Variants in ZNF81 observed in about 807,000 individuals in gnomAD.
ZNF81 encodes zinc finger protein 81.
ZNF81 carries 5 observed loss-of-function variants against 32.3 expected under a neutral mutation model. The ratio of observed to expected loss-of-function variants is 0.15; its 90% CI spans 0.08 to 0.33. The LOEUF (loss-of-function observed/expected upper bound fraction) is 0.33, where lower values mean the gene tolerates loss of function less well. Among genes scored for constraint, ZNF81 ranks in the 10% least tolerant of loss-of-function variants. The pLI, the probability that ZNF81 is intolerant of heterozygous loss-of-function variation, is 1.00. For synonymous variants in ZNF81, 163 were observed against 166.8 expected, an observed-to-expected ratio of 0.98 and a Z score of 0.17; for missense variants, 379 against 479.8, an observed-to-expected ratio of 0.79 and a Z score of 1.96.
intron 4 of ZNF81, among the ~76,000 whole-genome samples, chrX:47,912,467 C>T (rs1412083692): frequency 2.0e-5 from 2 of 102,376 alleles, no homozygotes; most frequent in Admixed American, 2.2e-4. Flanking sequence ...GTCTCATGCA[C>T]TGTACTAGGA....
rs782630321 is a variant in ZNF81, at chrX:47,915,409, C to T, written c.763C>T (p.Leu255Phe). 1.7e-6 allele frequency: 2 copies of T among 1,211,440 alleles called. No individual in the cohort carries two copies. Among genetic ancestry groups the T allele is most frequent in the Non-Finnish European group, 2.2e-6 (2 of 895,419 alleles). ...TGAACGTAATCAATGTGGAAAAGTCCTCAGCCTCAAACACTCACTCAGTCA... is the reference window on the plus strand; with the variant it reads ...TGAACGTAATCAATGTGGAAAAGTCTTCAGCCTCAAACACTCACTCAGTCA... ...FCERNQCGKV[L>F]SLKHSLSQNV... The change falls in exon 5 of 5, where the codon CTC becomes TTC. Residue 255 changes from leucine to phenylalanine, a missense_variant. By Grantham distance (22) the Leu-to-Phe change is conservative. Around this residue, in one of 2 missense-constraint regions of ZNF81, gnomAD observed 277 missense variants for 306.6 expected, o/e 0.90. Transcript: ENST00000338637.
chrX:47,839,400 TTC>T (rs1210291838), intron 1 of ZNF81, among the ~76,000 whole-genome samples: 1 of 111,580 alleles, frequency 9.0e-6, no homozygotes, highest in Non-Finnish European at 1.9e-5. Flanking sequence ...ATCCAAAACT[TTC>T]TGAGTGCCAA....
chrX:47,866,303 C>T (rs782795604), intron 2 of ZNF81, among the ~76,000 whole-genome samples: 4 of 111,609 alleles, frequency 3.6e-5, no homozygotes, highest in Non-Finnish European at 7.5e-5. Context: ...AAATAAAATT[C>T]CTGGCAACCC....
intron 2 of ZNF81, among the ~76,000 whole-genome samples, chrX:47,855,094 A>G (rs2058510966): frequency 1.8e-5 from 2 of 110,261 alleles, no homozygotes; most frequent in East Asian, 5.6e-4. Context: ...ACTCTGTCTC[A>G]AACTAAAAAA....
rs2058460558 is a variant in ZNF81 at position 47,843,804 on chromosome X, C to A, written c.-163-2301C>A. 5.3e-5 allele frequency among the ~76,000 whole-genome samples: 6 copies of A among 112,467 alleles called. No individual in the cohort carries two copies. The South Asian group carries it at 2.2e-3, about 41-fold the overall frequency. Reference sequence around the variant, plus strand: ...CCTCCCAAAGTGCTGAGATTATAGGCATGAGCCACTGCGCCTGGCTACATT... The same window carrying A: ...CCTCCCAAAGTGCTGAGATTATAGGAATGAGCCACTGCGCCTGGCTACATT... On this transcript the variant is annotated intron_variant, in intron 1 of 4. Coordinates refer to ENST00000338637, the MANE Select transcript of ZNF81 (RefSeq NM_007137.5).
At chrX:47,838,479 C>G (rs372323020) in intron 1 of ZNF81, among the ~76,000 whole-genome samples, 73 of 110,851 alleles carry the variant, frequency 6.6e-4, no homozygotes, top group African/African-American at 2.2e-3. Context: ...TGAGGAAGTT[C>G]CCCTCTATTT....
At chrX:47,857,118 T>C (rs1278991215) in intron 2 of ZNF81, among the ~76,000 whole-genome samples, 1 of 111,748 alleles carries the variant, frequency 8.9e-6, no homozygotes, top group Non-Finnish European at 1.9e-5. Flanking sequence ...TTCTTCAAAC[T>C]GTGAAATACC....
At chrX:47,860,513 C>T (rs1556882433) in intron 2 of ZNF81, among the ~76,000 whole-genome samples, 1 of 109,899 alleles carries the variant, frequency 9.1e-6, no homozygotes, top group Admixed American at 9.8e-5. Flanking sequence ...TTCAGCCTCA[C>T]CCTCATCCTC....
chrX:47,889,325 A>G (rs973691599), intron 3 of ZNF81, among the ~76,000 whole-genome samples: 2 of 112,552 alleles, frequency 1.8e-5, no homozygotes, highest in Admixed American at 9.4e-5. Context: ...CTGGGATTCT[A>G]TAAGCAGGAA....
At position 47,916,719 on chromosome X, in the gene ZNF81, G is replaced by C; in HGVS notation, c.*87G>C. 1.0e-6 allele frequency: 1 copy of C among 958,549 alleles called. No homozygotes were observed. The highest frequency in any genetic ancestry group is 2.7e-5 in the South Asian group (1 of 36,880). 79.0% of individuals were successfully genotyped at this position (958,549 alleles called of 1,213,427 possible). A position where few individuals can be genotyped will look rare whatever the true frequency, so the allele number is the denominator to read the frequency against. ...TATATTATAAAATTCATCCAAGACA[G>C]ATCCTATATGAATACATTGTATAAG... On this transcript the variant is annotated 3_prime_UTR_variant, in exon 5 of 5. Coordinates refer to ENST00000338637, the MANE Select transcript of ZNF81 (RefSeq NM_007137.5).
chrX:47,876,004 G>A lies in ZNF81; in HGVS notation c.55-11995G>A, dbSNP rs782378159. ...GTAATTGGAGTGGCCACATATGCTA[G>A]TTAATTGCCTTTATACAAAGGCAAA... On this transcript the variant is annotated intron_variant, in intron 2 of 4. Transcript: ENST00000338637. Among the ~76,000 whole-genome samples the A allele has an allele frequency of 1.5e-4, 17 of 111,853 alleles. No individual in the cohort carries two copies. The East Asian group carries it at 4.2e-3, about 28-fold the overall frequency.
In ZNF81 at chrX:47,916,867, G is replaced by A. The variant is rs993371457; in HGVS notation, c.*235G>A. ...TGAAATATAGTAAAAGTCATACTGG[G>A]AAAAATGTTGTCAGTTTGGTGTGTT... On this transcript the variant is annotated 3_prime_UTR_variant, in exon 5 of 5. Coordinates refer to ENST00000338637, the MANE Select transcript of ZNF81 (RefSeq NM_007137.5). 25 of 328,842 alleles carry A rather than the reference G, an allele frequency of 7.6e-5. No individual in the cohort carries two copies. Among genetic ancestry groups the A allele is most frequent in the African/African-American group, 6.2e-4 (23 of 37,174 alleles). The allele number at this position is 328,842 out of a possible 1,213,427, so 27.1% of individuals were successfully genotyped here. A position where few individuals can be genotyped will look rare whatever the true frequency, so the allele number is the denominator to read the frequency against.
intron 4 of ZNF81, among the ~76,000 whole-genome samples, chrX:47,910,157 A>T (rs1309128258): frequency 3.6e-5 from 4 of 111,601 alleles, no homozygotes; most frequent in Non-Finnish European, 7.5e-5. Flanking sequence ...TGGTATTTCT[A>T]GTTCTAGATC....
chrX:47,908,591 C>T (rs1275170389), intron 4 of ZNF81, among the ~76,000 whole-genome samples: 1 of 111,995 alleles, frequency 8.9e-6, no homozygotes, highest in Non-Finnish European at 1.9e-5. Flanking sequence ...CAAGAATGCT[C>T]ATACCAGCTT....
intron 1 of ZNF81, chrX:47,841,777 C>T (rs1366285311): frequency 2.5e-6 from 1 of 397,281 alleles, no homozygotes; most frequent in Non-Finnish European, 4.3e-6. Context: ...TTTCAAAAGA[C>T]CAGCTATTGG....
At chrX:47,914,031 T>G (rs1489819458) in intron 4 of ZNF81, among the ~76,000 whole-genome samples, 1 of 111,364 alleles carries the variant, frequency 9.0e-6, no homozygotes, top group Admixed American at 9.5e-5. Flanking sequence ...TCAATATAAG[T>G]ATCATCTATT....
In ZNF81 at chrX:47,919,116, T is replaced by C. The variant is rs1303796529; in HGVS notation, c.*2484T>C. ...GATGCCACAATTTTGGATGAGAAAT[T>C]TGGAGGTCCTGGAATAGGGGTGAAC... On this transcript the variant is annotated 3_prime_UTR_variant, in exon 5 of 5. Transcript: ENST00000338637. 3.1e-6 allele frequency: 1 copy of C among 322,539 alleles called. No homozygotes were observed. Among genetic ancestry groups the C allele is most frequent in the African/African-American group, 2.7e-5 (1 of 37,318 alleles). The allele number at this position is 322,539 out of a possible 1,213,427, so 26.6% of individuals were successfully genotyped here. A position where few individuals can be genotyped will look rare whatever the true frequency, so the allele number is the denominator to read the frequency against.
intron 2 of ZNF81, among the ~76,000 whole-genome samples, chrX:47,879,201 G>C (rs1222203252): frequency 9.0e-6 from 1 of 111,646 alleles, no homozygotes; most frequent in Admixed American, 9.5e-5. Context: ...ATATTCACAG[G>C]TTCCAGGGAT....
intron 4 of ZNF81, among the ~76,000 whole-genome samples, chrX:47,912,638 A>G (rs1034780714): frequency 1.0e-4 from 11 of 109,177 alleles, no homozygotes; most frequent in Non-Finnish European, 1.7e-4. Flanking sequence ...CAGGAATCCA[A>G]GCTCCTTCCA....
Sources: allele counts gnomAD v4.1 joint callset (sites outside exome capture counted in the v4.1 genomes callset), GRCh38; gene constraint gnomAD v4.1.1; regional missense constraint gnomAD v4.1.1; transcripts MANE v1.5; gene names NCBI Gene and HGNC (gene_info 2026-07-23, HGNC 2026-07-21).